Variants in UBE2U observed in about 807,000 individuals in gnomAD.
UBE2U encodes ubiquitin-conjugating enzyme E2 U.
In UBE2U, 39 loss-of-function variants were observed where a neutral mutation model predicts 41.2. The observed-to-expected ratio is 0.95, with a 90% CI of 0.73 to 1.24. The LOEUF is 1.24. Ranked by LOEUF, UBE2U falls within the 50% of genes most tolerant of loss-of-function variation. UBE2U has a pLI of 0.00. For missense variants in UBE2U, 336 were observed against 363.1 expected (o/e 0.93, Z 0.61); for synonymous variants, 107 against 117.8 (o/e 0.91, Z 0.60).
At chr1:64,239,146 AGAAGAAGAAG>A (rs1644762984) in intron 7 of UBE2U, among the ~76,000 whole-genome samples, 6 of 26,356 alleles carry the variant, frequency 2.3e-4, no homozygotes, top group Admixed American at 2.2e-3. Flanking sequence ...AAGAAGAAGA[AGAAGAAGAAG>A]AAAGAAGAAG....
intron 9 of UBE2U, among the ~76,000 whole-genome samples, chr1:64,263,119 G>A (rs911500351): frequency 8.5e-5 from 13 of 152,240 alleles, no homozygotes; most frequent in South Asian, 6.2e-4. Context: ...ACTGGTTAGC[G>A]CTCCAGTGCT....
chr1:64,230,440 T>C (rs929957696), intron 6 of UBE2U, among the ~76,000 whole-genome samples: 2 of 152,220 alleles, frequency 1.3e-5, no homozygotes, highest in South Asian at 2.1e-4. Context: ...GTTTCACTTA[T>C]CAATTCCAAC....
At chr1:64,245,727 C>G (rs1644909561) in intron 8 of UBE2U, among the ~76,000 whole-genome samples, 1 of 152,116 alleles carries the variant, frequency 6.6e-6, no homozygotes, top group Non-Finnish European at 1.5e-5. Context: ...TCAACCTGTA[C>G]TCCAAGTCAG....
chr1:64,252,136 A>G (rs776381957), intron 8 of UBE2U, among the ~76,000 whole-genome samples: 5 of 152,198 alleles, frequency 3.3e-5, no homozygotes, highest in Admixed American at 6.5e-5. Context: ...GCTTTGCCAG[A>G]CTGTGCCCAG....
rs116081194 is a variant in UBE2U, at chr1:64,244,468, G to T, written c.677+2735G>T. 1,037 of 176,890 alleles carry T rather than the reference G, an allele frequency of 5.9e-3. 14 individuals carry two copies. Among genetic ancestry groups the T allele is most frequent in the African/African-American group, 0.024 (1,008 of 41,962 alleles). The allele number at this position is 176,890 out of a possible 1,614,324, so 11.0% of individuals were successfully genotyped here. On this transcript the variant is annotated intron_variant, in intron 8 of 9. Transcript: ENST00000371077. ...AGTTCATGCCACCCTACTTTTCAGA[G>T]AATAAAAACAATCTGTTGGAAACAT...
intron 3 of UBE2U, among the ~76,000 whole-genome samples, chr1:64,207,862 A>G (rs556761393): frequency 2.0e-5 from 3 of 152,352 alleles, no homozygotes; most frequent in African/African-American, 7.2e-5. Context: ...TCAGAGGTCA[A>G]AGACACTGAC....
At chr1:64,214,053 T>C (rs949184552) in intron 4 of UBE2U, among the ~76,000 whole-genome samples, 2 of 152,316 alleles carry the variant, frequency 1.3e-5, no homozygotes, top group Admixed American at 6.5e-5. Flanking sequence ...GGCACGTGAG[T>C]ATGTAAACTA....
chr1:64,263,074 T>C (rs1645203932), intron 9 of UBE2U, among the ~76,000 whole-genome samples: 1 of 152,180 alleles, frequency 6.6e-6, no homozygotes, highest in South Asian at 2.1e-4. Flanking sequence ...AAAGGCAAGT[T>C]GGAAGAGACA....
At position 64,210,408 on chromosome 1, in the gene UBE2U, G is replaced by A. The variant is rs115292318; in HGVS notation, c.242-334G>A. ...GTCACCATTTCCAGTCTGGGGGAAG[G>A]GGGAAGAAAAGAAGGAAAGCCAGCT... On this transcript the variant is annotated intron_variant, in intron 3 of 9. Coordinates refer to ENST00000371077, the MANE Select transcript of UBE2U (RefSeq NM_001366232.2). Among the ~76,000 whole-genome samples the A allele has an allele frequency of 5.8e-3, 877 of 152,216 alleles. 6 individuals are homozygous for A. Among genetic ancestry groups the A allele is most frequent in the African/African-American group, 0.02 (849 of 41,532 alleles).
chr1:64,249,724 A>T (rs556172062), intron 8 of UBE2U, among the ~76,000 whole-genome samples: 9 of 152,120 alleles, frequency 5.9e-5, no homozygotes, highest in Admixed American at 2.0e-4. Context: ...TAATCTCTTT[A>T]AAAAAAGATA....
At chr1:64,235,696 G>A (rs1570061812) in intron 7 of UBE2U, among the ~76,000 whole-genome samples, 1 of 151,916 alleles carries the variant, frequency 6.6e-6, no homozygotes. Context: ...TTTGATTTGG[G>A]GTATTAACTC....
intron 5 of UBE2U, among the ~76,000 whole-genome samples, chr1:64,220,640 T>C (rs1652383763): frequency 6.6e-6 from 1 of 152,206 alleles, no homozygotes; most frequent in South Asian, 2.1e-4. Context: ...AGCAGTTTTT[T>C]TTTTCAAATT....
At chr1:64,225,536 T>G (rs1652806849) in intron 6 of UBE2U, among the ~76,000 whole-genome samples, 2 of 152,242 alleles carry the variant, frequency 1.3e-5, no homozygotes, top group South Asian at 4.1e-4. Flanking sequence ...AAAGGAGTAC[T>G]TTTAACTGCC....
chr1:64,238,685 AT>A (rs1293726124), intron 7 of UBE2U, among the ~76,000 whole-genome samples: 1 of 151,686 alleles, frequency 6.6e-6, no homozygotes, highest in Admixed American at 6.6e-5. Flanking sequence ...TCAGTTAAAA[AT>A]TTTTTTTTCT....
intron 7 of UBE2U, among the ~76,000 whole-genome samples, chr1:64,241,033 A>C (rs1485632264): frequency 2.6e-5 from 4 of 152,248 alleles, no homozygotes; most frequent in African/African-American, 7.2e-5. Flanking sequence ...TAAGTGATCT[A>C]CTGAGCATAG....
At chr1:64,204,228 A>G in intron 1 of UBE2U, 112 bp downstream of exon 1, 1 of 819,504 alleles carries the variant, frequency 1.2e-6, no homozygotes, top group Non-Finnish European at 1.9e-6. Flanking sequence ...ATTTGCCACT[A>G]CAGTATTGTT....
At chr1:64,230,730 T>C (rs1048340732) in intron 6 of UBE2U, among the ~76,000 whole-genome samples, 1 of 152,214 alleles carries the variant, frequency 6.6e-6, no homozygotes, top group African/African-American at 2.4e-5. Context: ...ATTCTCCAAA[T>C]GTCTCCGTTA....
intron 9 of UBE2U, 134 bp downstream of exon 9, chr1:64,260,828 T>A: frequency 1.6e-6 from 1 of 613,516 alleles, no homozygotes; most frequent in East Asian, 3.1e-5. Context: ...CTTTTAAGGT[T>A]GCTTTAACTT....
chr1:64,228,319 C>T (rs1653020102), intron 6 of UBE2U, among the ~76,000 whole-genome samples: 2 of 152,118 alleles, frequency 1.3e-5, no homozygotes, highest in Non-Finnish European at 1.5e-5. Flanking sequence ...ATGGTATCTA[C>T]ATAACGGGGG....
Sources: gnomAD v4.1 joint callset for allele counts (sites outside exome capture counted in the v4.1 genomes callset) on GRCh38, gnomAD v4.1.1 for gene constraint, MANE v1.5 for transcripts, NCBI Gene and HGNC (gene_info 2026-07-23, HGNC 2026-07-21) for gene names.